Variants in PDE4D observed in about 807,000 individuals in gnomAD.
PDE4D encodes the protein 3',5'-cyclic-AMP phosphodiesterase 4D.
PDE4D carries 24 observed loss-of-function variants against 87.4 expected under a neutral mutation model. The observed-to-expected ratio is 0.27, with a 90% CI of 0.20 to 0.39. PDE4D has a LOEUF of 0.39. PDE4D is among the 10% of genes least tolerant of loss of function. PDE4D has a pLI of 1.00. For synonymous variants in PDE4D, 384 were observed against 383.2 expected, an observed-to-expected ratio of 1.00 and a Z score of -0.02; for missense variants, 714 against 1,041.0, an observed-to-expected ratio of 0.69 and a Z score of 4.32.
intron 6 of PDE4D, among the ~76,000 whole-genome samples, chr5:59,034,085 C>T (rs975782323): frequency 6.6e-5 from 10 of 151,964 alleles, no homozygotes; most frequent in Admixed American, 3.9e-4. Context: ...TACTTAAAAG[C>T]AAAGAAAGTA....
intron 1 of PDE4D, among the ~76,000 whole-genome samples, chr5:60,334,465 T>G (rs1215916059): frequency 2.0e-5 from 3 of 152,188 alleles, no homozygotes; most frequent in South Asian, 2.1e-4. Context: ...TTCATCGCAG[T>G]GATCCCAGTA....
intron 2 of PDE4D, among the ~76,000 whole-genome samples, chr5:59,992,653 T>C (rs943650828): frequency 6.6e-6 from 1 of 152,200 alleles, no homozygotes; most frequent in African/African-American, 2.4e-5. Flanking sequence ...TAACTGAGGT[T>C]ATCTGTTGAA....
chr5:60,037,477 T>A (rs1019655511), intron 2 of PDE4D, among the ~76,000 whole-genome samples: 1 of 152,172 alleles, frequency 6.6e-6, no homozygotes, highest in East Asian at 1.9e-4. Context: ...ATAACTTACT[T>A]TTTAGTCTGG....
chr5:60,334,025 T>C (rs960683359), intron 1 of PDE4D, among the ~76,000 whole-genome samples: 4 of 152,216 alleles, frequency 2.6e-5, no homozygotes, highest in African/African-American at 9.7e-5. Context: ...TGATTCATTC[T>C]CACAATATCA....
At chr5:59,039,092 A>T in intron 5 of PDE4D, 121 bp from the exon 6 acceptor site, 1 of 1,455,368 alleles carries the variant, frequency 6.9e-7, no homozygotes, top group African/African-American at 1.4e-5. Flanking sequence ...CCGGCACATG[A>T]GGGCTGCTCC....
intron 1 of PDE4D, among the ~76,000 whole-genome samples, chr5:59,684,018 T>C (rs964879936): frequency 1.3e-5 from 2 of 152,178 alleles, no homozygotes; most frequent in African/African-American, 4.8e-5. Context: ...ATCCCATAAA[T>C]TCCCTATGAC....
chr5:59,117,414 C>T (rs1352997743), intron 5 of PDE4D, among the ~76,000 whole-genome samples: 1 of 152,052 alleles, frequency 6.6e-6, no homozygotes, highest in Non-Finnish European at 1.5e-5. Context: ...TAAATTTTAC[C>T]TGGACCCTCC....
chr5:59,422,654 T>C (rs115081875), intron 1 of PDE4D, among the ~76,000 whole-genome samples: 4,032 of 152,318 alleles, frequency 0.026, 189 homozygotes, highest in African/African-American at 0.092. Context: ...TTATTGGATA[T>C]AGAAATGGGA....
intron 1 of PDE4D, among the ~76,000 whole-genome samples, chr5:59,361,229 G>A (rs1782175677): frequency 2.0e-5 from 3 of 152,070 alleles, no homozygotes; most frequent in Non-Finnish European, 2.9e-5. Context: ...TAAATTTTAT[G>A]TTTATTGAAT....
chr5:59,763,586 A>G (rs1207899054), intron 1 of PDE4D, among the ~76,000 whole-genome samples: 1 of 152,158 alleles, frequency 6.6e-6, no homozygotes, highest in Non-Finnish European at 1.5e-5. Flanking sequence ...AAATTCAATG[A>G]CGAGAAAAGC....
intron 2 of PDE4D, among the ~76,000 whole-genome samples, chr5:60,177,606 G>C (rs1359611929): frequency 6.6e-6 from 1 of 152,112 alleles, no homozygotes; most frequent in African/African-American, 2.4e-5. Flanking sequence ...GGGTGGAAAG[G>C]ATAGTCATTT....
intron 1 of PDE4D, among the ~76,000 whole-genome samples, chr5:59,332,424 C>A (rs941890350): frequency 6.6e-6 from 1 of 152,104 alleles, no homozygotes; most frequent in Non-Finnish European, 1.5e-5. Context: ...TAATGTTTTG[C>A]AAGATCTGGC....
intron 1 of PDE4D, among the ~76,000 whole-genome samples, chr5:60,507,329 C>G (rs1428629026): frequency 6.6e-6 from 1 of 152,184 alleles, no homozygotes; most frequent in Non-Finnish European, 1.5e-5. Flanking sequence ...CCTGCCTCAG[C>G]CTTCCAAAGT....
intron 5 of PDE4D, among the ~76,000 whole-genome samples, chr5:59,143,904 T>A (rs1174183150): frequency 1.3e-5 from 2 of 152,230 alleles, no homozygotes; most frequent in Non-Finnish European, 2.9e-5. Context: ...AAAGTTTTAA[T>A]TCCACAGGGT....
intron 1 of PDE4D, among the ~76,000 whole-genome samples, chr5:60,315,295 T>C (rs1466058247): frequency 6.6e-6 from 1 of 152,260 alleles, no homozygotes; most frequent in Non-Finnish European, 1.5e-5. Context: ...TTTTGAGAAA[T>C]GTCTGTTCAT....
chr5:60,161,694 G>A (rs1782487032), intron 2 of PDE4D, among the ~76,000 whole-genome samples: 1 of 152,082 alleles, frequency 6.6e-6, no homozygotes, highest in South Asian at 2.1e-4. Context: ...CTCATTTACA[G>A]TGCCTGAATT....
intron 1 of PDE4D, among the ~76,000 whole-genome samples, chr5:59,763,292 T>A (rs1427333770): frequency 6.6e-6 from 1 of 151,716 alleles, no homozygotes; most frequent in Non-Finnish European, 1.5e-5. Flanking sequence ...ACCTGCACAT[T>A]GTGCACATGT....
chr5:59,537,593 C>T (rs1815515006), intron 1 of PDE4D, among the ~76,000 whole-genome samples: 1 of 152,084 alleles, frequency 6.6e-6, no homozygotes, highest in East Asian at 1.9e-4. Context: ...ACTTCAGAAG[C>T]TTCATAAGTA....
intron 2 of PDE4D, among the ~76,000 whole-genome samples, chr5:60,167,080 C>T (rs1018157998): frequency 1.3e-5 from 2 of 152,186 alleles, no homozygotes; most frequent in Admixed American, 1.3e-4. Context: ...GACCTGAATA[C>T]TTATTTCTTT....
Sources: gnomAD v4.1 joint callset for allele counts (sites outside exome capture counted in the v4.1 genomes callset) on GRCh38, gnomAD v4.1.1 for gene constraint, MANE v1.5 for transcripts, NCBI Gene and HGNC (gene_info 2026-07-23, HGNC 2026-07-21) for gene names.